NLK: variants seen among roughly 807,000 people sequenced by gnomAD.
NLK encodes the protein nemo like kinase.
In NLK, 11 loss-of-function variants were observed where a neutral mutation model predicts 59.0. The observed-to-expected ratio is 0.19, with a 90% CI of 0.12 to 0.31. The LOEUF is 0.31. Ranked by LOEUF, NLK falls within the 10% of genes least tolerant of loss-of-function variation. The pLI is 1.00. For synonymous variants in NLK, 235 were observed against 235.9 expected, an observed-to-expected ratio of 1.00 and a Z score of 0.03; for missense variants, 410 against 661.1, an observed-to-expected ratio of 0.62 and a Z score of 4.16.
At chr17:28,085,408 A>G (rs759525999) in intron 1 of NLK, among the ~76,000 whole-genome samples, 30 of 152,228 alleles carry the variant, frequency 2.0e-4, no homozygotes, top group Non-Finnish European at 3.7e-4. Flanking sequence ...GTTTCAGTCA[A>G]TGACGGACCA....
At chr17:28,056,301 T>C (rs1909440945) in intron 1 of NLK, among the ~76,000 whole-genome samples, 1 of 152,210 alleles carries the variant, frequency 6.6e-6, no homozygotes, top group South Asian at 2.1e-4. Context: ...TGGAAGATAC[T>C]TTAGAATGCG....
At chr17:28,113,329 A>T (rs1239656901) in intron 1 of NLK, among the ~76,000 whole-genome samples, 3 of 152,190 alleles carry the variant, frequency 2.0e-5, no homozygotes, top group Admixed American at 2.0e-4. Flanking sequence ...ACAAGAAAAA[A>T]TTGGGGCAAG....
intron 3 of NLK, among the ~76,000 whole-genome samples, chr17:28,139,190 A>C (rs925799836): frequency 6.6e-6 from 1 of 152,204 alleles, no homozygotes; most frequent in African/African-American, 2.4e-5. Context: ...CAGGAGGTGA[A>C]GATTGCAGTG....
chr17:28,186,124 C>T (rs1909106029), intron 8 of NLK, among the ~76,000 whole-genome samples: 1 of 152,080 alleles, frequency 6.6e-6, no homozygotes, highest in South Asian at 2.1e-4. Flanking sequence ...TACAAAGTCA[C>T]CAAATACGAA....
At chr17:28,165,203 A>C (rs1261556270) in intron 5 of NLK, among the ~76,000 whole-genome samples, 1 of 152,232 alleles carries the variant, frequency 6.6e-6, no homozygotes, top group Non-Finnish European at 1.5e-5. Flanking sequence ...TTATAGTTAG[A>C]AATTTTTTTG....
chr17:28,142,560 T>C (rs971173560), intron 3 of NLK, among the ~76,000 whole-genome samples: 2 of 152,232 alleles, frequency 1.3e-5, no homozygotes, highest in African/African-American at 4.8e-5. Flanking sequence ...GACACATTGC[T>C]GTTTTTCTTT....
chr17:28,126,163 G>A (rs1359595950), intron 2 of NLK, among the ~76,000 whole-genome samples: 1 of 152,206 alleles, frequency 6.6e-6, no homozygotes, highest in Admixed American at 6.5e-5. Context: ...CTGTGGGAGG[G>A]TTGCCTGCAT....
chr17:28,058,485 C>T (rs1214702342), intron 1 of NLK, among the ~76,000 whole-genome samples: 1 of 152,142 alleles, frequency 6.6e-6, no homozygotes, highest in Non-Finnish European at 1.5e-5. Context: ...GTTCTCTACC[C>T]ACCGATCCAC....
At chr17:28,090,376 C>T (rs1362928663) in intron 1 of NLK, among the ~76,000 whole-genome samples, 2 of 152,070 alleles carry the variant, frequency 1.3e-5, no homozygotes, top group East Asian at 3.9e-4. Flanking sequence ...TTATATTTAC[C>T]TGTGTGGTTG....
chr17:28,155,416 G>C lies in NLK; in HGVS notation c.645-5744G>C, dbSNP rs142224167. On this transcript the variant is annotated intron_variant, in intron 3 of 10. Coordinates refer to ENST00000407008, the MANE Select transcript of NLK (RefSeq NM_016231.5). ...AACTAGAAATACCATTTGACCCAGCGATCCCATTACTGGTTATATACCCAA... is the reference window on the plus strand; with the variant it reads ...AACTAGAAATACCATTTGACCCAGCCATCCCATTACTGGTTATATACCCAA... Among the ~76,000 whole-genome samples the C allele has an allele frequency of 6.6e-3, 1,002 of 152,156 alleles. 17 individuals are homozygous for C. Among genetic ancestry groups the C allele is most frequent in the African/African-American group, 0.022 (933 of 41,504 alleles).
chr17:28,046,713 T>C (rs1053450503), intron 1 of NLK, among the ~76,000 whole-genome samples: 3 of 152,176 alleles, frequency 2.0e-5, no homozygotes, highest in Admixed American at 1.3e-4. Flanking sequence ...TTTTGAGAGA[T>C]GGAGGAAGTT....
intron 3 of NLK, among the ~76,000 whole-genome samples, chr17:28,146,238 CAAT>C (rs1229421687): frequency 5.9e-5 from 9 of 152,062 alleles, no homozygotes. Flanking sequence ...TCAGTTTCCT[CAAT>C]GATAATGGAG....
At position 28,168,499 on chromosome 17, in the gene NLK, A is replaced by T. The variant is rs1908334716; in HGVS notation, c.889A>T (p.Met297Leu). The change falls in exon 6 of 11, where the codon ATG becomes TTG. Residue 297 changes from methionine to leucine, a missense_variant. Met to Leu is a conservative substitution (Grantham distance 15, BLOSUM62 2). Coordinates refer to ENST00000407008, the MANE Select transcript of NLK (RefSeq NM_016231.5). ...RVEELDESRHMTQEVVTQYYR... is the reference protein window; with the variant it reads ...RVEELDESRHLTQEVVTQYYR... ...GGAAGAATTAGATGAATCCCGTCAT[A>T]TGACTCAGGAAGTTGTTACTCAGTA... 1 of 1,613,938 alleles carries T rather than the reference A, an allele frequency of 6.2e-7. No homozygotes were observed. Among genetic ancestry groups the T allele is most frequent in the South Asian group, 1.1e-5 (1 of 91,080 alleles).
chr17:28,140,042 T>C (rs1906921663), intron 3 of NLK, among the ~76,000 whole-genome samples: 1 of 152,036 alleles, frequency 6.6e-6, no homozygotes, highest in African/African-American at 2.4e-5. Flanking sequence ...GAGAAGGATT[T>C]GGACAGGTAG....
chr17:28,071,536 G>T (rs1036500706), intron 1 of NLK, among the ~76,000 whole-genome samples: 2 of 151,648 alleles, frequency 1.3e-5, no homozygotes, highest in African/African-American at 4.9e-5. Flanking sequence ...GCATTTTAGA[G>T]GCCTTGCACA....
At chr17:28,107,035 C>T (rs989029056) in intron 1 of NLK, among the ~76,000 whole-genome samples, 2 of 152,112 alleles carry the variant, frequency 1.3e-5, no homozygotes, top group Admixed American at 6.5e-5. Context: ...ATTAAAAACA[C>T]TACACAACTA....
chr17:28,127,310 T>G (rs1189222528), intron 2 of NLK, among the ~76,000 whole-genome samples: 1 of 152,228 alleles, frequency 6.6e-6, no homozygotes, highest in African/African-American at 2.4e-5. Flanking sequence ...TTCATTCATT[T>G]TCCTTTGTAT....
chr17:28,098,498 G>T (rs761443931), intron 1 of NLK, among the ~76,000 whole-genome samples: 4 of 152,012 alleles, frequency 2.6e-5, no homozygotes, highest in Non-Finnish European at 5.9e-5. Context: ...ATTCAGGAAA[G>T]GGGAAGAAAA....
intron 7 of NLK, among the ~76,000 whole-genome samples, chr17:28,175,598 C>G (rs548345258): frequency 3.1e-4 from 47 of 152,220 alleles, no homozygotes; most frequent in Non-Finnish European, 5.4e-4. Context: ...GTGACTTAGG[C>G]AGATTATTTA....
Sources: gnomAD v4.1 joint callset for allele counts (sites outside exome capture counted in the v4.1 genomes callset) on GRCh38, gnomAD v4.1.1 for gene constraint, MANE v1.5 for transcripts, NCBI Gene and HGNC (gene_info 2026-07-23, HGNC 2026-07-21) for gene names.